The following MIPOL1 variants were observed in gnomAD, a reference collection of about 807,000 sequenced individuals.
MIPOL1 encodes mirror-image polydactyly 1, also known as mirror-image polydactyly gene 1 protein.
A neutral mutation model predicts 60.9 loss-of-function variants in MIPOL1; 57 were observed. The observed-to-expected ratio is 0.94, with a 90% CI of 0.76 to 1.17. The LOEUF is 1.17. MIPOL1 is among the 50% of genes most tolerant of loss of function. MIPOL1 has a pLI of 0.00. For synonymous variants in MIPOL1, 179 were observed against 168.8 expected, an observed-to-expected ratio of 1.06 and a Z score of -0.47; for missense variants, 551 against 511.6, an observed-to-expected ratio of 1.08 and a Z score of -0.74.
At position 37,495,937 on chromosome 14, in the gene MIPOL1, T is replaced by G. The variant is rs1352543755; in HGVS notation, c.1032-3971T>G. Among the ~76,000 whole-genome samples the G allele has an allele frequency of 8.9e-5, 13 of 146,680 alleles. No homozygotes were observed. In the South Asian group the frequency reaches 2.8e-3, roughly 32 times the overall value. On this transcript the variant is annotated intron_variant, in intron 11 of 12. Transcript: ENST00000684589. Reference sequence around the variant, plus strand: ...TGCATAAATGTCTTCTTTTGAGAAGTGTCTGTTCATGTCCTTCGCCCACTT... The same window carrying G: ...TGCATAAATGTCTTCTTTTGAGAAGGGTCTGTTCATGTCCTTCGCCCACTT...
At chr14:37,463,078 A>G (rs766018340) in intron 11 of MIPOL1, among the ~76,000 whole-genome samples, 4 of 152,326 alleles carry the variant, frequency 2.6e-5, no homozygotes, top group Non-Finnish European at 5.9e-5. Flanking sequence ...GGCAATTTAC[A>G]AAAGAAGTAG....
intron 1 of MIPOL1, among the ~76,000 whole-genome samples, chr14:37,204,506 G>A (rs1965780660): frequency 6.6e-6 from 1 of 152,066 alleles, no homozygotes; most frequent in African/African-American, 2.4e-5. Flanking sequence ...CCGTTCTCAT[G>A]GTAGTGAATA....
At chr14:37,266,083 G>T (rs1399179849) in intron 3 of MIPOL1, among the ~76,000 whole-genome samples, 2 of 152,104 alleles carry the variant, frequency 1.3e-5, no homozygotes, top group Non-Finnish European at 2.9e-5. Context: ...CTAAGACCCA[G>T]GAGGGATCAA....
chr14:37,529,560 A>G (rs1464986618), intron 12 of MIPOL1, among the ~76,000 whole-genome samples: 2 of 152,168 alleles, frequency 1.3e-5, no homozygotes, highest in Non-Finnish European at 2.9e-5. Context: ...ATATATTGCC[A>G]TAATTTTCTT....
rs764735087 is a variant in MIPOL1, at chr14:37,308,334, T to C, written c.658-15T>C. On this transcript the variant is annotated splice_polypyrimidine_tract_variant and intron_variant, in intron 8 of 12. Coordinates refer to ENST00000684589, the MANE Select transcript of MIPOL1 (RefSeq NM_001388067.1). ...TAAAACTTCATGTCTGACTAACATATAATGGTGTTGGTAGACATTACAGGA... is the reference window on the plus strand; with the variant it reads ...TAAAACTTCATGTCTGACTAACATACAATGGTGTTGGTAGACATTACAGGA... The C allele has an allele frequency of 2.6e-6, 4 of 1,514,932 alleles. No homozygotes were observed. Among genetic ancestry groups the C allele is most frequent in the Non-Finnish European group, 3.5e-6 (4 of 1,137,286 alleles). The allele number at this position is 1,514,932 out of a possible 1,614,324, so 93.8% of individuals were successfully genotyped here. A position where few individuals can be genotyped will look rare whatever the true frequency, so the allele number is the denominator to read the frequency against.
intron 10 of MIPOL1, among the ~76,000 whole-genome samples, chr14:37,393,942 A>G (rs1056106195): frequency 6.7e-6 from 1 of 150,328 alleles, no homozygotes; most frequent in African/African-American, 2.4e-5. Flanking sequence ...GTGAGAACAT[A>G]TGATGATGTT....
At chr14:37,513,457 A>G (rs1289180935) in intron 12 of MIPOL1, among the ~76,000 whole-genome samples, 4 of 152,108 alleles carry the variant, frequency 2.6e-5, no homozygotes, top group Admixed American at 1.3e-4. Flanking sequence ...TATCTTAACT[A>G]TGGGGAATGT....
chr14:37,372,388 G>A (rs1038165253), intron 10 of MIPOL1, among the ~76,000 whole-genome samples: 3 of 151,942 alleles, frequency 2.0e-5, no homozygotes, highest in East Asian at 1.9e-4. Context: ...GACTTTTTAT[G>A]GTAGAGACTA....
chr14:37,478,214 A>G (rs558459226), intron 11 of MIPOL1, among the ~76,000 whole-genome samples: 1 of 152,332 alleles, frequency 6.6e-6, no homozygotes, highest in Non-Finnish European at 1.5e-5. Flanking sequence ...GACCTCAATC[A>G]TGTATTGAAA....
chr14:37,377,581 G>A (rs577438504), intron 10 of MIPOL1, among the ~76,000 whole-genome samples: 1 of 151,884 alleles, frequency 6.6e-6, no homozygotes, highest in Non-Finnish European at 1.5e-5. Flanking sequence ...CTGCCAAATT[G>A]GTCTATTAAC....
intron 1 of MIPOL1, among the ~76,000 whole-genome samples, chr14:37,235,606 T>C (rs1971339236): frequency 6.6e-6 from 1 of 152,138 alleles, no homozygotes; most frequent in Non-Finnish European, 1.5e-5. Context: ...GTACATAACA[T>C]AAATTTTACC....
At chr14:37,402,575 T>G (rs1023035927) in intron 10 of MIPOL1, among the ~76,000 whole-genome samples, 4 of 152,134 alleles carry the variant, frequency 2.6e-5, no homozygotes, top group African/African-American at 9.7e-5. Flanking sequence ...TGCATTGAAA[T>G]TGGTGTGAAA....
At chr14:37,523,470 C>G in intron 12 of MIPOL1, 2 of 398,098 alleles carry the variant, frequency 5.0e-6, no homozygotes, top group East Asian at 7.2e-5. Flanking sequence ...TTTTTTTTTC[C>G]AGATCTCAAA....
intron 1 of MIPOL1, among the ~76,000 whole-genome samples, chr14:37,209,979 G>A (rs1047707312): frequency 2.6e-5 from 4 of 151,778 alleles, no homozygotes; most frequent in East Asian, 3.9e-4. Flanking sequence ...TCAAAGTACT[G>A]ATTACTGGTG....
chr14:37,408,835 AAC>A (rs1377568291), intron 10 of MIPOL1, among the ~76,000 whole-genome samples: 1 of 152,168 alleles, frequency 6.6e-6, no homozygotes, highest in Admixed American at 6.5e-5. Context: ...TCCTGGATGA[AAC>A]AGTTTCATCC....
chr14:37,351,588 A>G (rs2091381984), intron 9 of MIPOL1, among the ~76,000 whole-genome samples: 1 of 145,278 alleles, frequency 6.9e-6, no homozygotes, highest in Non-Finnish European at 1.5e-5. Context: ...CTGACTTTTT[A>G]ATGATTGCCA....
chr14:37,410,309 TAACA>T (rs1447745075), intron 10 of MIPOL1, among the ~76,000 whole-genome samples: 1 of 152,078 alleles, frequency 6.6e-6, no homozygotes, highest in Non-Finnish European at 1.5e-5. Context: ...TATAGATATG[TAACA>T]AACCTGCACG....
At chr14:37,448,601 A>C (rs2094372220) in intron 11 of MIPOL1, among the ~76,000 whole-genome samples, 1 of 152,200 alleles carries the variant, frequency 6.6e-6, no homozygotes, top group South Asian at 2.1e-4. Context: ...TCAAAGACTT[A>C]ACAGTTCACT....
intron 11 of MIPOL1, among the ~76,000 whole-genome samples, chr14:37,460,727 G>T (rs1304089805): frequency 1.3e-5 from 2 of 152,008 alleles, no homozygotes; most frequent in Non-Finnish European, 2.9e-5. Context: ...TTCAAGCTGA[G>T]AACCAAATCA....
Sources: allele counts gnomAD v4.1 joint callset (sites outside exome capture counted in the v4.1 genomes callset), GRCh38; gene constraint gnomAD v4.1.1; transcripts MANE v1.5; gene names NCBI Gene and HGNC (gene_info 2026-07-23, HGNC 2026-07-21).